Variants in TENM1 observed in about 807,000 individuals in gnomAD.
TENM1 encodes teneurin transmembrane protein 1, also known as teneurin-1.
In TENM1, 35 loss-of-function variants were observed where a neutral mutation model predicts 174.8. The observed-to-expected ratio is 0.20, with a 90% CI of 0.15 to 0.27. The LOEUF is 0.27. Among genes scored for constraint, TENM1 ranks in the 10% least tolerant of loss-of-function variants. TENM1 has a pLI of 1.00. For synonymous variants in TENM1, 781 were observed against 798.7 expected, an observed-to-expected ratio of 0.98 and a Z score of 0.37; for missense variants, 1,633 against 2,130.1, an observed-to-expected ratio of 0.77 and a Z score of 4.59.
At chrX:124,970,850 G>A in the TENM1 span, among the ~76,000 whole-genome samples, 5 of 110,397 alleles carry the variant, frequency 4.5e-5, no homozygotes, top group Admixed American at 1.9e-4. Flanking sequence ...TGTTCATGGC[G>A]GCACTATTCA....
At chrX:125,159,071 A>G in the TENM1 span, among the ~76,000 whole-genome samples, 1 of 111,726 alleles carries the variant, frequency 9.0e-6, no homozygotes, top group Non-Finnish European at 1.9e-5. Flanking sequence ...CAAAAGAGGT[A>G]CAACTAACCA....
chrX:124,381,043 G>C, exon 32 of TENM1: 1 of 1,211,654 alleles, frequency 8.3e-7, no homozygotes, highest in Non-Finnish European at 1.1e-6. Flanking sequence ...CCAGGTAATG[G>C]GCATTATTGA....
chrX:125,005,776 G>A, the TENM1 span, among the ~76,000 whole-genome samples: 1 of 111,165 alleles, frequency 9.0e-6, no homozygotes, highest in South Asian at 3.9e-4. Flanking sequence ...GGAAGTGCAC[G>A]GAGCCAGGGG....
intron 3 of TENM1, among the ~76,000 whole-genome samples, chrX:124,854,351 G>A (rs771311337): frequency 7.8e-4 from 87 of 110,928 alleles, no homozygotes; most frequent in Non-Finnish European, 1.4e-3. Flanking sequence ...TGGGGACTCA[G>A]GGGAAAGGGT....
At chrX:124,637,923 T>A (rs896393596) in intron 11 of TENM1, among the ~76,000 whole-genome samples, 3 of 112,352 alleles carry the variant, frequency 2.7e-5, no homozygotes, top group Non-Finnish European at 5.6e-5. Flanking sequence ...ACTAGTGCAG[T>A]AGTTCTCACA....
chrX:124,653,576 TC>T lies in TENM1; in HGVS notation c.1368+7del, dbSNP rs1334956056. 2.5e-6 allele frequency: 3 copies of T among 1,199,818 alleles called. No individual in the cohort carries two copies. The African/African-American group carries it at 5.3e-5, about 21-fold the overall frequency. On this transcript the variant is annotated splice_region_variant and intron_variant, in intron 7 of 31. Transcript: ENST00000422452. ...AGGGTTTAAGAAAATACCTATAATA[TC>T]AAATACCTGAGTATGTGTAGGTGGA...
intron 16 of TENM1, among the ~76,000 whole-genome samples, chrX:124,526,847 T>C (rs1477269936): frequency 8.9e-6 from 1 of 112,241 alleles, no homozygotes; most frequent in Non-Finnish European, 1.9e-5. Context: ...TCTTCTAGTC[T>C]TCAGAACAAA....
chrX:125,155,541 C>T, the TENM1 span, among the ~76,000 whole-genome samples: 5 of 107,233 alleles, frequency 4.7e-5, no homozygotes, highest in South Asian at 1.2e-3. Flanking sequence ...CGGGGAGACT[C>T]GGGCTGCACA....
the TENM1 span, among the ~76,000 whole-genome samples, chrX:125,015,299 T>G: frequency 9.0e-6 from 1 of 111,645 alleles, no homozygotes; most frequent in Non-Finnish European, 1.9e-5. Flanking sequence ...CTATATTTTA[T>G]CTGGCAACTC....
intron 5 of TENM1, 66 bp downstream of exon 8, chrX:124,704,947 T>A (rs2148493715): frequency 1.1e-6 from 1 of 898,385 alleles, no homozygotes; most frequent in African/African-American, 2.0e-5. Context: ...AAACCCCCCA[T>A]TCCCACCACA....
chrX:124,945,322 A>G (rs1211843743), intron 1 of TENM1, among the ~76,000 whole-genome samples: 1 of 111,499 alleles, frequency 9.0e-6, no homozygotes, highest in African/African-American at 3.3e-5. Flanking sequence ...GGGAAGCCAC[A>G]TTATGTAGGT....
At chrX:125,100,809 C>T in the TENM1 span, among the ~76,000 whole-genome samples, 6 of 111,512 alleles carry the variant, frequency 5.4e-5, no homozygotes, top group Admixed American at 9.6e-5. Flanking sequence ...GCTACTTATA[C>T]ACCACTTTTT....
At position 124,404,884 on chromosome X, in the gene TENM1, T is replaced by TATA; in HGVS notation, c.5391+144_5391+146dup. 5.9e-6 allele frequency: 3 copies of TATA among 510,287 alleles called. No homozygotes were observed. The South Asian group carries it at 9.2e-5, about 16-fold the overall frequency. 42.1% of individuals were successfully genotyped at this position (510,287 alleles called of 1,213,427 possible). On this transcript the variant is annotated intron_variant, in intron 27 of 31. Transcript: ENST00000422452. The stretch of plus-strand genomic sequence containing the variant: ...CATCCTCTTTTGAATTAGTATATCA[T>TATA]ATAAGCCAGTCAGTCACTTAGAAAA...
At chrX:125,051,874 C>A in the TENM1 span, among the ~76,000 whole-genome samples, 1 of 105,662 alleles carries the variant, frequency 9.5e-6, no homozygotes. Context: ...AGCTTCTGCA[C>A]AGCAAAAGAA....
chrX:125,188,634 T>G, the TENM1 span, among the ~76,000 whole-genome samples: 6,081 of 111,645 alleles, frequency 0.054, 430 homozygotes, highest in African/African-American at 0.19. Flanking sequence ...TAAAATGTAG[T>G]TCAGTAACAT....
chrX:124,696,420 T>G (rs2052650681), intron 5 of TENM1, among the ~76,000 whole-genome samples: 1 of 111,671 alleles, frequency 9.0e-6, no homozygotes, highest in African/African-American at 3.2e-5. Flanking sequence ...TAGGTTTCTA[T>G]GTCTGGAGGT....
At chrX:124,515,397 G>T (rs2047680199) in intron 18 of TENM1, among the ~76,000 whole-genome samples, 1 of 111,659 alleles carries the variant, frequency 9.0e-6, no homozygotes, top group Non-Finnish European at 1.9e-5. Context: ...TAGGAAGACA[G>T]GAAGTCAAAC....
chrX:124,912,841 T>G (rs2057859449), intron 1 of TENM1, among the ~76,000 whole-genome samples: 1 of 111,593 alleles, frequency 9.0e-6, no homozygotes, highest in Admixed American at 9.5e-5. Context: ...AAATCAGTTT[T>G]ATTTCTTAAA....
At chrX:125,082,092 TAC>T in the TENM1 span, among the ~76,000 whole-genome samples, 2 of 110,840 alleles carry the variant, frequency 1.8e-5, no homozygotes, top group African/African-American at 3.3e-5. Context: ...ACTTGACCAC[TAC>T]ATAATCTATG....
Sources: gnomAD v4.1 joint callset for allele counts (sites outside exome capture counted in the v4.1 genomes callset) on GRCh38, gnomAD v4.1.1 for gene constraint, MANE v1.5 for transcripts, NCBI Gene and HGNC (gene_info 2026-07-23, HGNC 2026-07-21) for gene names.